The following C8orf34 variants were observed in gnomAD, a reference collection of about 807,000 sequenced individuals.
C8orf34 encodes the protein uncharacterized protein C8orf34.
C8orf34 carries 65 observed loss-of-function variants against 68.3 expected under a neutral mutation model. That is an observed-to-expected ratio of 0.95 (90% CI 0.78 to 1.17). The LOEUF (loss-of-function observed/expected upper bound fraction) is 1.17. Ranked by LOEUF, C8orf34 falls within the 50% of genes most tolerant of loss-of-function variation. The pLI is 0.00. For missense variants in C8orf34, 664 were observed against 655.4 expected (o/e 1.01, Z -0.14); for synonymous variants, 244 against 241.2 (o/e 1.01, Z -0.11).
At chr8:68,342,574 TAAAC>T (rs1311917872) in intron 1 of C8orf34, among the ~76,000 whole-genome samples, 1 of 152,144 alleles carries the variant, frequency 6.6e-6, no homozygotes, top group Non-Finnish European at 1.5e-5. Flanking sequence ...ATTCCAGAAA[TAAAC>T]AATTCATAAG....
intron 1 of C8orf34, among the ~76,000 whole-genome samples, chr8:68,358,179 C>T (rs552050849): frequency 6.6e-6 from 1 of 152,056 alleles, no homozygotes; most frequent in Non-Finnish European, 1.5e-5. Flanking sequence ...TAATCTGTTT[C>T]CTGTTGATCC....
chr8:68,460,364 G>A (rs1011223977), intron 3 of C8orf34, among the ~76,000 whole-genome samples: 3 of 152,354 alleles, frequency 2.0e-5, no homozygotes, highest in Non-Finnish European at 2.9e-5. Context: ...TGGGGGCAGG[G>A]CACAGACAAA....
intron 8 of C8orf34, among the ~76,000 whole-genome samples, chr8:68,685,716 A>C (rs1327157398): frequency 2.6e-5 from 4 of 151,728 alleles, no homozygotes; most frequent in African/African-American, 4.8e-5. Flanking sequence ...AGAAACCCCC[A>C]AAAGCAAAAA....
chr8:68,357,133 A>T (rs1036092345), intron 1 of C8orf34, among the ~76,000 whole-genome samples: 6 of 152,136 alleles, frequency 3.9e-5, no homozygotes, highest in African/African-American at 1.4e-4. Flanking sequence ...TGTTTTGTAT[A>T]AAAAATATAA....
intron 6 of C8orf34, chr8:68,525,612 CG>C (rs1814941929): frequency 1.2e-6 from 1 of 820,794 alleles, no homozygotes. Context: ...ACAATGAAAC[CG>C]AACTGGTCAG....
At chr8:68,793,428 A>G (rs1224583237) in intron 12 of C8orf34, among the ~76,000 whole-genome samples, 8 of 152,242 alleles carry the variant, frequency 5.3e-5, no homozygotes, top group African/African-American at 1.9e-4. Context: ...AAAAAAGCAA[A>G]TATTAGAAGA....
intron 1 of C8orf34, among the ~76,000 whole-genome samples, chr8:68,370,418 A>G (rs1807508367): frequency 6.6e-6 from 1 of 152,180 alleles, no homozygotes; most frequent in Non-Finnish European, 1.5e-5. Context: ...AGAAGAGCCA[A>G]TCCCAGTGGC....
chr8:68,459,454 A>C (rs1213317422), intron 3 of C8orf34, among the ~76,000 whole-genome samples: 1 of 151,928 alleles, frequency 6.6e-6, no homozygotes, highest in African/African-American at 2.4e-5. Context: ...GCTGGTCTCG[A>C]GCTCCTGACC....
At chr8:68,441,144 T>C (rs373529099) in intron 2 of C8orf34, among the ~76,000 whole-genome samples, 3 of 152,026 alleles carry the variant, frequency 2.0e-5, no homozygotes, top group African/African-American at 7.2e-5. Flanking sequence ...TACCTCAGTG[T>C]TTATGTGTCA....
intron 1 of C8orf34, among the ~76,000 whole-genome samples, chr8:68,425,222 C>T (rs1056199438): frequency 2.6e-5 from 4 of 152,122 alleles, no homozygotes; most frequent in African/African-American, 9.7e-5. Flanking sequence ...AGTTTGAGTT[C>T]TAGACAAGGA....
chr8:68,777,018 G>A (rs934357176), intron 11 of C8orf34, among the ~76,000 whole-genome samples: 2 of 152,212 alleles, frequency 1.3e-5, no homozygotes, highest in Non-Finnish European at 2.9e-5. Flanking sequence ...AACTATTGCA[G>A]AACTCTCAGA....
intron 7 of C8orf34, among the ~76,000 whole-genome samples, chr8:68,627,117 T>A (rs1818559074): frequency 6.6e-6 from 1 of 152,174 alleles, no homozygotes; most frequent in South Asian, 2.1e-4. Flanking sequence ...ATCAATAATT[T>A]ACATAATCCT....
intron 1 of C8orf34, among the ~76,000 whole-genome samples, chr8:68,409,852 A>G (rs1234370906): frequency 1.3e-5 from 2 of 152,158 alleles, no homozygotes; most frequent in Non-Finnish European, 2.9e-5. Context: ...TCATATTTTT[A>G]CTGTACCTTT....
At chr8:68,520,513 C>A (rs971853379) in intron 5 of C8orf34, among the ~76,000 whole-genome samples, 1 of 152,044 alleles carries the variant, frequency 6.6e-6, no homozygotes, top group East Asian at 1.9e-4. Context: ...TGCAGTGGCA[C>A]GATCTCGGCT....
At chr8:68,627,856 G>A (rs1337354119) in intron 7 of C8orf34, among the ~76,000 whole-genome samples, 1 of 152,130 alleles carries the variant, frequency 6.6e-6, no homozygotes, top group Non-Finnish European at 1.5e-5. Flanking sequence ...CCTGGGTTTG[G>A]CTATTGAGTT....
At chr8:68,792,759 A>G (rs1824047638) in intron 12 of C8orf34, among the ~76,000 whole-genome samples, 1 of 151,960 alleles carries the variant, frequency 6.6e-6, no homozygotes, top group African/African-American at 2.4e-5. Context: ...TCATTAAAAA[A>G]TTCTGAAGAT....
intron 8 of C8orf34, among the ~76,000 whole-genome samples, chr8:68,652,095 C>T (rs901514427): frequency 2.0e-5 from 3 of 152,058 alleles, no homozygotes; most frequent in Non-Finnish European, 4.4e-5. Flanking sequence ...TGTTGATCCC[C>T]CACACCTCCT....
At chr8:68,462,846 T>C (rs1322497843) in intron 3 of C8orf34, among the ~76,000 whole-genome samples, 4 of 151,394 alleles carry the variant, frequency 2.6e-5, no homozygotes, top group African/African-American at 9.7e-5. Context: ...GCAGGAAAGA[T>C]CCAAAATTGA....
intron 5 of C8orf34, among the ~76,000 whole-genome samples, chr8:68,490,285 G>A (rs889789236): frequency 1.3e-5 from 2 of 152,102 alleles, no homozygotes; most frequent in African/African-American, 2.4e-5. Flanking sequence ...AAATTAGCTC[G>A]TATGCGGTTG....
Sources: allele counts gnomAD v4.1 joint callset (sites outside exome capture counted in the v4.1 genomes callset), GRCh38; gene constraint gnomAD v4.1.1; transcripts MANE v1.5; gene names NCBI Gene and HGNC (gene_info 2026-07-23, HGNC 2026-07-21).